EPHA8: variants seen among roughly 807,000 people sequenced by gnomAD.
EPHA8 encodes the protein ephrin type-A receptor 8.
EPHA8 carries 58 observed loss-of-function variants against 103.6 expected under a neutral mutation model. The ratio of observed to expected loss-of-function variants is 0.56; its 90% CI spans 0.45 to 0.70. EPHA8 has a LOEUF of 0.70. EPHA8 is among the 30% of genes least tolerant of loss of function. The probability of loss-of-function intolerance (pLI) is 0.00; values close to 1 mark genes in which losing one functional copy is unlikely to be tolerated. For synonymous variants in EPHA8, 559 were observed against 572.5 expected, an observed-to-expected ratio of 0.98 and a Z score of 0.34; for missense variants, 1,304 against 1,395.2, an observed-to-expected ratio of 0.93 and a Z score of 1.04.
At chr1:22,596,276 A>T in intron 9 of EPHA8, 103 bp downstream of exon 9, 1 of 1,181,884 alleles carries the variant, frequency 8.5e-7, no homozygotes, top group South Asian at 1.4e-5. Context: ...GTGCCCAGTG[A>T]AAAAACCAGA....
In EPHA8 at chr1:22,583,922, C is replaced by T. The variant is rs568799224; in HGVS notation, c.824-2558C>T. ...ATCACGCCATGAGGCTTTGCCTGTC[C>T]GTCTGCCAATGCCGTGGAAGCTCCC... On this transcript the variant is annotated intron_variant, in intron 3 of 16. Transcript: ENST00000166244. Among the ~76,000 whole-genome samples the T allele has an allele frequency of 1.1e-4, 16 of 152,340 alleles. No individual in the cohort carries two copies. The East Asian group carries it at 1.7e-3, about 17-fold the overall frequency.
chr1:22,576,913 C>T lies in EPHA8; in HGVS notation c.823+33C>T, dbSNP rs1640724589. On this transcript the variant is annotated intron_variant, in intron 3 of 16. Transcript: ENST00000166244. The surrounding 1 kb of genome is among the most constrained non-coding windows in gnomAD (Gnocchi z 4.8). Reference sequence around the variant, plus strand: ...CGCCATGGCCTGGGCATGGGTCAGCCGGCAGCGGTGCTTGGTCTTGGCAGG... The same window carrying T: ...CGCCATGGCCTGGGCATGGGTCAGCTGGCAGCGGTGCTTGGTCTTGGCAGG... The T allele has an allele frequency of 2.6e-6, 4 of 1,550,144 alleles. No homozygotes were observed. Among genetic ancestry groups the T allele is most frequent in the East Asian group, 2.3e-5 (1 of 44,058 alleles).
Position 22,597,306 on chromosome 1 carries a change from C to G in EPHA8, c.1766-6C>G, listed in dbSNP as rs764692137. 1.1e-4 allele frequency: 169 copies of G among 1,598,050 alleles called. No individual in the cohort carries two copies. Among genetic ancestry groups the G allele is most frequent in the Non-Finnish European group, 1.4e-4 (163 of 1,169,208 alleles). ...CCCCACTGAAGGCCCTCCTCCCGCC[C>G]CTCAGCACCCCCACCTGTCTTCCTG... On this transcript the variant is annotated splice_region_variant and splice_polypyrimidine_tract_variant and intron_variant, in intron 9 of 16. Coordinates refer to ENST00000166244, the MANE Select transcript of EPHA8 (RefSeq NM_020526.5). This position sits in a 1 kb window ranked among gnomAD's most constrained non-coding sequence, Gnocchi z 4.6.
At chr1:22,586,761 G>C in intron 4 of EPHA8, 126 bp downstream of exon 4, 1 of 1,218,894 alleles carries the variant, frequency 8.2e-7, no homozygotes, top group South Asian at 1.5e-5. Flanking sequence ...GCTCTCTTGA[G>C]CCAGAGGCCA....
At chr1:22,573,117 G>A (rs74522516) in intron 2 of EPHA8, among the ~76,000 whole-genome samples, 13,638 of 152,262 alleles carry the variant, frequency 0.09, 617 homozygotes, top group South Asian at 0.19. Flanking sequence ...ACAGCAAAGC[G>A]GGGTGTGGAG....
chr1:22,583,734 C>T (rs956964056), intron 3 of EPHA8, among the ~76,000 whole-genome samples: 17 of 152,362 alleles, frequency 1.1e-4, no homozygotes, highest in African/African-American at 3.4e-4. Flanking sequence ...CTTCCAGCAC[C>T]TTGCCTAATG....
chr1:22,589,154 G>C lies in EPHA8; in HGVS notation c.1263G>C (p.Leu421=). The stretch of plus-strand genomic sequence containing the variant: ...AGGCCGTCAATGGCGTGTCCGACCT[G>C]AGCCCCGAGCCCCGCCGGGCCGCTG... ...WIEAVNGVSD[L]SPEPRRAAVV... Residue 421 remains leucine (L), a synonymous_variant, in exon 5 of 17, where the codon CTG becomes CTC. Transcript: ENST00000166244. This position sits in a 1 kb window ranked among gnomAD's most constrained non-coding sequence, Gnocchi z 4.3. The C allele has an allele frequency of 6.2e-7, 1 of 1,613,846 alleles. No individual in the cohort carries two copies. Among genetic ancestry groups the C allele is most frequent in the Non-Finnish European group, 8.5e-7 (1 of 1,179,978 alleles).
chr1:22,579,406 GAGTGTA>G (rs1480497709), intron 3 of EPHA8, among the ~76,000 whole-genome samples: 7 of 149,864 alleles, frequency 4.7e-5, no homozygotes, highest in Admixed American at 1.3e-4. Flanking sequence ...ATGTGTTCAT[GAGTGTA>G]TGTATGTGTG....
At chr1:22,580,983 G>T (rs139078234) in intron 3 of EPHA8, among the ~76,000 whole-genome samples, 3 of 152,320 alleles carry the variant, frequency 2.0e-5, no homozygotes, top group African/African-American at 7.2e-5. Flanking sequence ...CGTCTTTGAT[G>T]TAATAATTAT....
At chr1:22,595,407 GTCCCCGTGT>G in intron 8 of EPHA8, 84 bp downstream of exon 8, 2 of 1,146,850 alleles carry the variant, frequency 1.7e-6, no homozygotes, top group Non-Finnish European at 2.5e-6. Flanking sequence ...CGAGCCGGTG[GTCCCCGTGT>G]GCCTGGGGCT....
intron 5 of EPHA8, among the ~76,000 whole-genome samples, chr1:22,591,621 C>T (rs947420702): frequency 6.6e-6 from 1 of 152,218 alleles, no homozygotes; most frequent in Non-Finnish European, 1.5e-5. Flanking sequence ...CAGACATTCT[C>T]ATGGCCTGTG....
Position 22,589,234 on chromosome 1 carries a change from G to T in EPHA8, c.1315+28G>T. 6.2e-7 allele frequency: 1 copy of T among 1,614,014 alleles called. No individual in the cohort carries two copies. The highest frequency in any genetic ancestry group is 2.2e-5 in the East Asian group (1 of 44,888). ...AGGCGGAGAAACTCCGTCCCGCAGC[G>T]TCCTGGTCCCCCAGCTTCCCCTGCC... On this transcript the variant is annotated intron_variant, in intron 5 of 16. Transcript: ENST00000166244. This position sits in a 1 kb window ranked among gnomAD's most constrained non-coding sequence, Gnocchi z 4.3.
At chr1:22,564,134 G>A (rs1484150874) in intron 1 of EPHA8, among the ~76,000 whole-genome samples, 1 of 151,450 alleles carries the variant, frequency 6.6e-6, no homozygotes, top group African/African-American at 2.4e-5. Flanking sequence ...AGGACAGGGG[G>A]GTAGGCACTG....
chr1:22,574,544 C>T (rs1053470372), intron 2 of EPHA8, among the ~76,000 whole-genome samples: 6 of 152,158 alleles, frequency 3.9e-5, no homozygotes, highest in African/African-American at 1.4e-4. Flanking sequence ...CTAGGTACTG[C>T]GTATACATGG....
intron 3 of EPHA8, among the ~76,000 whole-genome samples, chr1:22,578,086 TGC>T (rs1640805658): frequency 1.3e-5 from 1 of 76,242 alleles, no homozygotes; most frequent in African/African-American, 4.3e-5. Flanking sequence ...TGCATGTGTG[TGC>T]ATGTAGCGTC....
At chr1:22,580,433 C>A (rs1557564258) in intron 3 of EPHA8, among the ~76,000 whole-genome samples, 1 of 152,188 alleles carries the variant, frequency 6.6e-6, no homozygotes, top group African/African-American at 2.4e-5. Context: ...GCTACCACGT[C>A]CAACTCGCTC....
At chr1:22,593,280 A>T (rs1200679969) in intron 5 of EPHA8, 46 bp from the exon 6 acceptor site, 1 of 1,538,678 alleles carries the variant, frequency 6.5e-7, no homozygotes, top group Admixed American at 2.0e-5. Flanking sequence ...GAGAGAGGCC[A>T]CGCCTTGTCT....
At position 22,598,289 on chromosome 1, in the gene EPHA8, C is replaced by A; in HGVS notation, c.2178+77C>A. 1 of 1,426,644 alleles carries A rather than the reference C, an allele frequency of 7.0e-7. No homozygotes were observed. The highest frequency in any genetic ancestry group is 9.7e-7 in the Non-Finnish European group (1 of 1,032,040). 88.4% of individuals were successfully genotyped at this position (1,426,644 alleles called of 1,614,324 possible). On this transcript the variant is annotated intron_variant, in intron 12 of 16. Coordinates refer to ENST00000166244, the MANE Select transcript of EPHA8 (RefSeq NM_020526.5). The surrounding 1 kb of genome is among the most constrained non-coding windows in gnomAD (Gnocchi z 5.1). Reference sequence around the variant, plus strand: ...CTGGGTGCTGGGAGATAGTGCAAAGCCCTCTAAGCCCCCTCCCTGGCTTGG... The same window carrying A: ...CTGGGTGCTGGGAGATAGTGCAAAGACCTCTAAGCCCCCTCCCTGGCTTGG...
At chr1:22,575,717 C>T (rs1290950378) in intron 2 of EPHA8, among the ~76,000 whole-genome samples, 1 of 152,100 alleles carries the variant, frequency 6.6e-6, no homozygotes, top group Non-Finnish European at 1.5e-5. Flanking sequence ...GTCTGTGGAT[C>T]AGGCAATCAC....
Sources: gnomAD v4.1 joint callset for allele counts (sites outside exome capture counted in the v4.1 genomes callset) on GRCh38, gnomAD v4.1.1 for gene constraint, Gnocchi (gnomAD v3.1) non-coding constraint, MANE v1.5 for transcripts, NCBI Gene and HGNC (gene_info 2026-07-23, HGNC 2026-07-21) for gene names.